Variants in ARHGEF33 observed in about 807,000 individuals in gnomAD.
The protein encoded by ARHGEF33 is DH and coiled-coil domain-containing protein ENSP00000381780.
Under a neutral mutation model 101.9 loss-of-function variants are expected in ARHGEF33, and 72 were observed. The observed-to-expected ratio is 0.71, with a 90% CI of 0.58 to 0.86. The LOEUF (loss-of-function observed/expected upper bound fraction) is 0.86, where lower values mean the gene tolerates loss of function less well. ARHGEF33 is among the 40% of genes least tolerant of loss of function. The pLI, the probability that ARHGEF33 is intolerant of heterozygous loss-of-function variation, is 0.00. For missense variants in ARHGEF33, 1,169 were observed against 1,111.3 expected (o/e 1.05, Z -0.74); for synonymous variants, 499 against 442.5 (o/e 1.13, Z -1.60).
chr2:38,932,925 G>A (rs1023179836), intron 7 of ARHGEF33, among the ~76,000 whole-genome samples: 3 of 152,166 alleles, frequency 2.0e-5, no homozygotes, highest in African/African-American at 2.4e-5. Flanking sequence ...TAAGAATAAT[G>A]TGCCATGATA....
At chr2:38,937,237 G>C in intron 8 of ARHGEF33, 98 bp from the exon 9 acceptor site, 1 of 643,132 alleles carries the variant, frequency 1.6e-6, no homozygotes, top group Non-Finnish European at 2.8e-6. Context: ...TTCGTGATCC[G>C]CCTGCCTCGG....
intron 4 of ARHGEF33, among the ~76,000 whole-genome samples, chr2:38,925,188 C>G (rs942391747): frequency 1.3e-5 from 2 of 152,158 alleles, no homozygotes; most frequent in Non-Finnish European, 2.9e-5. Flanking sequence ...AATGGTTATA[C>G]TGAAATAATG....
chr2:38,952,983 G>T (rs1290100638), intron 11 of ARHGEF33, among the ~76,000 whole-genome samples, 179 bp from the exon 12 acceptor site: 3 of 152,210 alleles, frequency 2.0e-5, no homozygotes, highest in Non-Finnish European at 4.4e-5. Context: ...ACAGGCGTGA[G>T]CCACCGCGCC....
At chr2:38,905,649 A>G (rs1041927323) in intron 2 of ARHGEF33, among the ~76,000 whole-genome samples, 4 of 152,194 alleles carry the variant, frequency 2.6e-5, no homozygotes, top group Non-Finnish European at 5.9e-5. Flanking sequence ...TGACTCTTTG[A>G]GGAACTCTTT....
intron 16 of ARHGEF33, among the ~76,000 whole-genome samples, chr2:38,964,542 C>T (rs1226248445): frequency 1.3e-5 from 2 of 150,980 alleles, no homozygotes; most frequent in African/African-American, 2.4e-5. Context: ...ATTAGATTCT[C>T]ACAAGGAGTG....
Position 38,931,262 on chromosome 2 carries a change from CAA to C in ARHGEF33, c.505+13_505+14del. 1 of 1,540,786 alleles carries C rather than the reference CAA, an allele frequency of 6.5e-7. No individual in the cohort carries two copies. On this transcript the variant is annotated intron_variant, in intron 7 of 17. Coordinates refer to ENST00000409978, the MANE Select transcript of ARHGEF33 (RefSeq NM_001145451.5). ...AGGCCTACGAGAAAGGTACAGTTCA[CAA>C]ATCATACTGAATTAATCAAGTATTT...
chr2:38,944,233 A>T (rs1034468053), intron 10 of ARHGEF33, among the ~76,000 whole-genome samples: 2 of 152,206 alleles, frequency 1.3e-5, no homozygotes, highest in Admixed American at 1.3e-4. Flanking sequence ...CTTTTAATGA[A>T]CAGAAATTTA....
At chr2:38,901,612 GAGCTTCC>G (rs1666240185) in intron 2 of ARHGEF33, among the ~76,000 whole-genome samples, 1 of 152,224 alleles carries the variant, frequency 6.6e-6, no homozygotes, top group Non-Finnish European at 1.5e-5. Context: ...GGCTAGAGCT[GAGCTTCC>G]AGCTTTGTAC....
intron 16 of ARHGEF33, among the ~76,000 whole-genome samples, chr2:38,963,626 C>T (rs1182367230): frequency 6.6e-6 from 1 of 152,130 alleles, no homozygotes; most frequent in East Asian, 1.9e-4. Flanking sequence ...TTCCATAGAA[C>T]GATTTTCCTT....
At position 38,897,827 on chromosome 2, in the gene ARHGEF33, G is replaced by C. The variant is rs535004588; in HGVS notation, c.-86+1978G>C. 7.9e-5 allele frequency among the ~76,000 whole-genome samples: 12 copies of C among 152,342 alleles called. No individual in the cohort carries two copies. The South Asian group carries it at 2.5e-3, about 32-fold the overall frequency. On this transcript the variant is annotated intron_variant, in intron 2 of 17. Coordinates refer to ENST00000409978, the MANE Select transcript of ARHGEF33 (RefSeq NM_001145451.5). ...TTGCACAAAATATTGAAGGACGCTAGGAGTTTGACAGCTAGCCTGGTGCAG... is the reference window on the plus strand; with the variant it reads ...TTGCACAAAATATTGAAGGACGCTACGAGTTTGACAGCTAGCCTGGTGCAG...
intron 11 of ARHGEF33, among the ~76,000 whole-genome samples, chr2:38,951,657 G>T (rs868624176): frequency 6.6e-6 from 1 of 150,828 alleles, no homozygotes; most frequent in Non-Finnish European, 1.5e-5. Flanking sequence ...ATGCATCTGT[G>T]TATATATATA....
chr2:38,901,107 C>G (rs1041443065), intron 2 of ARHGEF33, among the ~76,000 whole-genome samples: 1 of 152,148 alleles, frequency 6.6e-6, no homozygotes, highest in African/African-American at 2.4e-5. Context: ...ACACACACAC[C>G]TGCCCTCAAG....
rs1265502552 is a variant in ARHGEF33 at position 38,889,918 on chromosome 2, C to T, written c.-227C>T. 2.1e-6 allele frequency: 1 copy of T among 470,748 alleles called. No individual in the cohort carries two copies. Among genetic ancestry groups the T allele is most frequent in the African/African-American group, 2.0e-5 (1 of 50,028 alleles). The allele number at this position is 470,748 out of a possible 1,614,324, so 29.2% of individuals were successfully genotyped here. On this transcript the variant is annotated 5_prime_UTR_variant, in exon 1 of 18. Coordinates refer to ENST00000409978, the MANE Select transcript of ARHGEF33 (RefSeq NM_001145451.5). Reference sequence around the variant, plus strand: ...CCTCTCTACTGCTTCTTTTTATAACCTTTAAGTTAATTCAGAACCCAGATA... The same window carrying T: ...CCTCTCTACTGCTTCTTTTTATAACTTTTAAGTTAATTCAGAACCCAGATA...
At chr2:38,944,772 C>T (rs534521204) in intron 10 of ARHGEF33, among the ~76,000 whole-genome samples, 1 of 151,948 alleles carries the variant, frequency 6.6e-6, no homozygotes. Flanking sequence ...TGTGGCAAAC[C>T]GAAGCACTCA....
At chr2:38,929,967 TA>T in intron 6 of ARHGEF33, 137 bp downstream of exon 6, 1 of 670,950 alleles carries the variant, frequency 1.5e-6, no homozygotes, top group African/African-American at 1.8e-5. Flanking sequence ...CGATGGAGGT[TA>T]TAGAATTATA....
Position 38,955,481 on chromosome 2 carries a change from CTTTTTTTT to C in ARHGEF33, c.1221+1043_1221+1050del, listed in dbSNP as rs3085350. Among the ~76,000 whole-genome samples the C allele has an allele frequency of 4.8e-3, 339 of 71,204 alleles. 7 individuals carry two copies. Among genetic ancestry groups the C allele is most frequent in the Admixed American group, 0.044 (184 of 4,156 alleles). 46.7% of individuals were successfully genotyped at this position (71,204 alleles called of 152,430 possible). On this transcript the variant is annotated intron_variant, in intron 13 of 17. Transcript: ENST00000409978. ...TATCAAAGCATCAATATTGAAAAGA[CTTTTTTTT>C]TTTTTTTTTTTTTTTTTGAGTCAGG...
At chr2:38,926,265 G>C (rs1315550253) in intron 4 of ARHGEF33, among the ~76,000 whole-genome samples, 2 of 152,186 alleles carry the variant, frequency 1.3e-5, no homozygotes, top group Non-Finnish European at 2.9e-5. Context: ...TGGAGAACAA[G>C]GTAGACACCC....
intron 14 of ARHGEF33, among the ~76,000 whole-genome samples, chr2:38,957,354 A>G (rs1339063031): frequency 1.3e-5 from 2 of 152,228 alleles, no homozygotes; most frequent in Non-Finnish European, 2.9e-5. Flanking sequence ...AACTGCAGTT[A>G]AAAGACCACA....
At chr2:38,912,883 A>G (rs1480047176) in intron 2 of ARHGEF33, among the ~76,000 whole-genome samples, 1 of 152,198 alleles carries the variant, frequency 6.6e-6, no homozygotes. Flanking sequence ...TACACCCTCA[A>G]CAGAATCAAT....
Sources: gnomAD v4.1 joint callset for allele counts (sites outside exome capture counted in the v4.1 genomes callset) on GRCh38, gnomAD v4.1.1 for gene constraint, MANE v1.5 for transcripts, NCBI Gene and HGNC (gene_info 2026-07-23, HGNC 2026-07-21) for gene names.